Variants in STYX observed in about 807,000 individuals in gnomAD.
The protein encoded by STYX is serine/threonine/tyrosine-interacting protein.
Under a neutral mutation model 42.7 loss-of-function variants are expected in STYX, and 20 were observed. The observed-to-expected ratio is 0.47, with a 90% CI of 0.33 to 0.68. The LOEUF is 0.68. Among genes scored for constraint, STYX ranks in the 30% least tolerant of loss-of-function variants. The pLI is 0.02. For missense variants in STYX, 226 were observed against 268.5 expected (o/e 0.84, Z 1.11); for synonymous variants, 78 against 81.9 (o/e 0.95, Z 0.26).
chr14:52,736,515 A>C (rs1387104748), intron 1 of STYX, among the ~76,000 whole-genome samples: 1 of 152,194 alleles, frequency 6.6e-6, no homozygotes, highest in Non-Finnish European at 1.5e-5. Context: ...TTCTCTTCTG[A>C]CAGAAAGTGA....
chr14:52,755,386 G>A (rs1881823310), intron 4 of STYX, among the ~76,000 whole-genome samples: 1 of 152,094 alleles, frequency 6.6e-6, no homozygotes, highest in South Asian at 2.1e-4. Context: ...GCTTCCCCAA[G>A]TGCTGGGATT....
chr14:52,755,145 CAG>C (rs995885093), intron 4 of STYX, among the ~76,000 whole-genome samples: 13 of 133,796 alleles, frequency 9.7e-5, no homozygotes, highest in Admixed American at 8.8e-4. Flanking sequence ...GTTTTTGAAA[CAG>C]AGTCTTGCTG....
chr14:52,774,320 G>C lies in STYX; in HGVS notation c.*3214G>C, dbSNP rs940795337. ...ATTAGAAATATTTAACTGCAATCTTGAATTATAAAGTTGAGATATATATAT... is the reference window on the plus strand; with the variant it reads ...ATTAGAAATATTTAACTGCAATCTTCAATTATAAAGTTGAGATATATATAT... On this transcript the variant is annotated 3_prime_UTR_variant, in exon 11 of 11. Transcript: ENST00000354586. 2.6e-5 allele frequency: 4 copies of C among 151,730 alleles called. No homozygotes were observed. The highest frequency in any genetic ancestry group is 9.7e-5 in the African/African-American group (4 of 41,288). The allele number at this position is 151,730 out of a possible 1,614,324, so 9.4% of individuals were successfully genotyped here.
At chr14:52,755,314 G>A (rs979484227) in intron 4 of STYX, among the ~76,000 whole-genome samples, 1 of 151,702 alleles carries the variant, frequency 6.6e-6, no homozygotes, top group African/African-American at 2.4e-5. Context: ...GTAGAGATGG[G>A]GTTTCACCAT....
chr14:52,747,257 A>G (rs1001413308), intron 3 of STYX, among the ~76,000 whole-genome samples: 11 of 152,250 alleles, frequency 7.2e-5, no homozygotes, highest in African/African-American at 1.2e-4. Flanking sequence ...ATTCAATGCT[A>G]CTAATTCTCT....
At chr14:52,767,869 T>C (rs1882370601) in intron 9 of STYX, among the ~76,000 whole-genome samples, 1 of 152,228 alleles carries the variant, frequency 6.6e-6, no homozygotes, top group South Asian at 2.1e-4. Context: ...ATATCCAGGC[T>C]AGAATTGCTG....
At chr14:52,763,154 AGTGCTGGGGTTACAGAT>A (rs1238575010) in intron 9 of STYX, among the ~76,000 whole-genome samples, 3 of 151,876 alleles carry the variant, frequency 2.0e-5, no homozygotes, top group Middle Eastern at 3.2e-3. Context: ...CGGCCCCCAG[AGTGCTGGGGTTACAGAT>A]GTGAGCCACT....
chr14:52,747,477 G>A (rs1287180824), intron 3 of STYX, among the ~76,000 whole-genome samples: 1 of 152,148 alleles, frequency 6.6e-6, no homozygotes, highest in East Asian at 1.9e-4. Flanking sequence ...TCATCTTGAT[G>A]ATTTTTGCTT....
At position 52,730,415 on chromosome 14, in the gene STYX, G is replaced by T; in HGVS notation, c.-60G>T. 1 of 1,581,988 alleles carries T rather than the reference G, an allele frequency of 6.3e-7. No homozygotes were observed. Among genetic ancestry groups the T allele is most frequent in the Non-Finnish European group, 8.6e-7 (1 of 1,158,710 alleles). ...TTCCTTCCGCCGCCGCAGCCAGCCC[G>T]AGGGTCGGCCGGCTGTGTAACACTC... On this transcript the variant is annotated 5_prime_UTR_variant, in exon 1 of 11. Transcript: ENST00000354586.
intron 3 of STYX, among the ~76,000 whole-genome samples, chr14:52,748,462 TATTAA>T (rs1044351085): frequency 6.6e-6 from 1 of 152,242 alleles, no homozygotes; most frequent in African/African-American, 2.4e-5. Flanking sequence ...TATATCTTTT[TATTAA>T]ATTCAAATAC....
chr14:52,763,358 G>C (rs534257063), intron 9 of STYX, among the ~76,000 whole-genome samples: 13 of 152,072 alleles, frequency 8.5e-5, no homozygotes, highest in African/African-American at 2.6e-4. Context: ...AGTCCATGTT[G>C]TTTTTCTGTA....
Position 52,756,675 on chromosome 14 carries a change from CTTTTTTTTTTTTT to C in STYX, c.303+80_303+92del, listed in dbSNP as rs748826005. 2.4e-3 allele frequency: 174 copies of C among 71,930 alleles called. 3 individuals are homozygous for C. Among genetic ancestry groups the C allele is most frequent in the Middle Eastern group, 0.019 (3 of 160 alleles). The allele number at this position is 71,930 out of a possible 1,614,324, so 4.5% of individuals were successfully genotyped here. A position where few individuals can be genotyped will look rare whatever the true frequency, so the allele number is the denominator to read the frequency against. ...TTTATGATTTGACTTCTTAGTTGTG[CTTTTTTTTTTTTT>C]TTTTTTTTTTTTTTTGAGACAAGAG... On this transcript the variant is annotated intron_variant, in intron 5 of 10. Coordinates refer to ENST00000354586, the MANE Select transcript of STYX (RefSeq NM_145251.4).
intron 10 of STYX, 100 bp from the exon 11 acceptor site, chr14:52,770,933 A>G: frequency 1.2e-6 from 1 of 832,472 alleles, no homozygotes; most frequent in Non-Finnish European, 1.8e-6. Flanking sequence ...GAATTTTCAT[A>G]GTGTATACAT....
intron 1 of STYX, among the ~76,000 whole-genome samples, chr14:52,737,918 G>C (rs1490384776): frequency 6.6e-6 from 1 of 152,188 alleles, no homozygotes; most frequent in Admixed American, 6.5e-5. Context: ...TGGGACTACA[G>C]GCGCCCGCCA....
chr14:52,767,969 C>T (rs1252700934), intron 9 of STYX, among the ~76,000 whole-genome samples: 1 of 152,112 alleles, frequency 6.6e-6, no homozygotes, highest in African/African-American at 2.4e-5. Flanking sequence ...ACTTAAACAG[C>T]CTGCTGCTTG....
intron 3 of STYX, among the ~76,000 whole-genome samples, chr14:52,749,832 G>A (rs1881541388): frequency 6.6e-6 from 1 of 152,180 alleles, no homozygotes; most frequent in South Asian, 2.1e-4. Context: ...CTTTTTGAGT[G>A]TCAGCATGAC....
chr14:52,747,754 G>A (rs866762364), intron 3 of STYX, among the ~76,000 whole-genome samples: 2 of 152,212 alleles, frequency 1.3e-5, no homozygotes, highest in African/African-American at 2.4e-5. Flanking sequence ...CTCAATGGGA[G>A]GCTGAGGCAG....
At chr14:52,765,597 G>T (rs1185688303) in intron 9 of STYX, among the ~76,000 whole-genome samples, 1 of 152,180 alleles carries the variant, frequency 6.6e-6, no homozygotes, top group African/African-American at 2.4e-5. Flanking sequence ...ATCAGGAGAA[G>T]GTTGTCTAGA....
intron 1 of STYX, among the ~76,000 whole-genome samples, chr14:52,739,098 T>A (rs1881080107): frequency 6.6e-6 from 1 of 152,194 alleles, no homozygotes; most frequent in Non-Finnish European, 1.5e-5. Context: ...TTTTGTTTGT[T>A]TTTGGTATAC....
Sources: allele counts gnomAD v4.1 joint callset (sites outside exome capture counted in the v4.1 genomes callset), GRCh38; gene constraint gnomAD v4.1.1; transcripts MANE v1.5; gene names NCBI Gene and HGNC (gene_info 2026-07-23, HGNC 2026-07-21).